ATRX: variants seen among roughly 807,000 people sequenced by gnomAD.
The protein encoded by ATRX is chromatin remodeler ATRX.
ATRX carries 12 observed loss-of-function variants against 172.6 expected under a neutral mutation model. That is an observed-to-expected ratio of 0.07 (90% CI 0.04 to 0.11). The LOEUF (loss-of-function observed/expected upper bound fraction) is 0.11, where lower values mean the gene tolerates loss of function less well. ATRX is among the 10% of genes least tolerant of loss of function. ATRX has a pLI of 1.00. For missense variants in ATRX, 1,368 were observed against 1,767.4 expected, an observed-to-expected ratio of 0.77 and a Z score of 4.05; for synonymous variants, 674 against 594.7, an observed-to-expected ratio of 1.13 and a Z score of -1.94.
intron 30 of ATRX, among the ~76,000 whole-genome samples, chrX:77,546,649 G>A (rs534583160): frequency 9.0e-6 from 1 of 111,387 alleles, no homozygotes; most frequent in South Asian, 3.8e-4. Context: ...ATGCCACCAA[G>A]CCTGGCTAAT....
At chrX:77,538,230 AACACACACACACAC>A (rs34675782) in intron 30 of ATRX, among the ~76,000 whole-genome samples, 5 of 95,992 alleles carry the variant, frequency 5.2e-5, no homozygotes, top group Admixed American at 2.3e-4. Context: ...TACACACACA[AACACACACACACAC>A]ACACACACAC....
At chrX:77,707,472 C>T (rs1272665401) in intron 2 of ATRX, among the ~76,000 whole-genome samples, 1 of 112,414 alleles carries the variant, frequency 8.9e-6, no homozygotes, top group African/African-American at 3.2e-5. Flanking sequence ...GGGCTGGGCA[C>T]GGTGGCTCAC....
rs45451600 is a variant in ATRX at position 77,687,791 on chromosome X, G to C, written c.594+1027C>G. ...ATGTCTGAATCTATCAAAAATTCAT[G>C]CAAGAAAAGATCTAGAGCTAGAATT... On this transcript the variant is annotated intron_variant, in intron 7 of 34. Transcript: ENST00000373344. 4.5e-5 allele frequency among the ~76,000 whole-genome samples: 5 copies of C among 112,227 alleles called. No individual in the cohort carries two copies. In the East Asian group the frequency reaches 1.4e-3, roughly 31 times the overall value.
At chrX:77,532,570 TAGG>T (rs2063614012) in intron 30 of ATRX, among the ~76,000 whole-genome samples, 2 of 111,749 alleles carry the variant, frequency 1.8e-5, no homozygotes, top group Admixed American at 9.5e-5. Context: ...TAAGTGGTGC[TAGG>T]AGAACAGGCA....
In ATRX at chrX:77,608,474, A is replaced by G. The variant is rs782075080; in HGVS notation, c.5567-7910T>C. 2.2e-4 allele frequency among the ~76,000 whole-genome samples: 25 copies of G among 111,486 alleles called. No individual in the cohort carries two copies. The Middle Eastern group carries it at 0.023, about 103-fold the overall frequency. ...CGCATACTCTACACAGGTGCCATGA[A>G]CATGCACTGGGGAAAGGATAGTCTC... On this transcript the variant is annotated intron_variant, in intron 22 of 34. Coordinates refer to ENST00000373344, the MANE Select transcript of ATRX (RefSeq NM_000489.6).
At chrX:77,768,009 A>C (rs781807511) in intron 1 of ATRX, among the ~76,000 whole-genome samples, 1 of 111,959 alleles carries the variant, frequency 8.9e-6, no homozygotes, top group Non-Finnish European at 1.9e-5. Flanking sequence ...AAAGGAAAAC[A>C]CTGAGGCTCA....
intron 1 of ATRX, among the ~76,000 whole-genome samples, chrX:77,747,848 C>G (rs2148868622): frequency 8.9e-6 from 1 of 111,792 alleles, no homozygotes; most frequent in Non-Finnish European, 1.9e-5. Context: ...TTTCCAACAC[C>G]TGCTAACCTC....
intron 7 of ATRX, among the ~76,000 whole-genome samples, chrX:77,687,943 T>C (rs901676600): frequency 9.0e-6 from 1 of 111,569 alleles, no homozygotes; most frequent in Non-Finnish European, 1.9e-5. Flanking sequence ...TATAGGTAGG[T>C]AGGTAGTTAC....
chrX:77,653,004 T>TAAAAAAAAA (rs554448289), intron 14 of ATRX, among the ~76,000 whole-genome samples: 2 of 68,993 alleles, frequency 2.9e-5, no homozygotes, highest in African/African-American at 1.1e-4. Context: ...TGTTTCTTGT[T>TAAAAAAAAA]AAAAAAAAAA....
chrX:77,708,040 C>T (rs782397813), intron 2 of ATRX, among the ~76,000 whole-genome samples: 11 of 111,874 alleles, frequency 9.8e-5, no homozygotes, highest in Non-Finnish European at 2.1e-4. Flanking sequence ...AACAATTTAA[C>T]ATAGTTACCA....
intron 30 of ATRX, among the ~76,000 whole-genome samples, chrX:77,544,169 G>C (rs1395990151): frequency 2.7e-5 from 3 of 111,267 alleles, no homozygotes; most frequent in African/African-American, 9.8e-5. Context: ...AATAGATGAG[G>C]CAAATGTGGC....
chrX:77,679,819 T>G (rs1183526131), intron 9 of ATRX, among the ~76,000 whole-genome samples: 2 of 111,857 alleles, frequency 1.8e-5, no homozygotes, highest in East Asian at 5.5e-4. Flanking sequence ...TTTAATGGAT[T>G]TTAACTAATT....
chrX:77,517,063 A>G, intron 34 of ATRX, among the ~76,000 whole-genome samples: 1 of 110,574 alleles, frequency 9.0e-6, no homozygotes, highest in African/African-American at 3.3e-5. Flanking sequence ...ACAAAAACCT[A>G]TGGGATACAG....
In ATRX at chrX:77,748,981, T is replaced by C. The variant is rs187334314; in HGVS notation, c.21-31738A>G. Among the ~76,000 whole-genome samples the C allele has an allele frequency of 2.7e-5, 3 of 111,544 alleles. No homozygotes were observed. In the East Asian group the frequency reaches 8.4e-4, roughly 31 times the overall value. On this transcript the variant is annotated intron_variant, in intron 1 of 34. Coordinates refer to ENST00000373344, the MANE Select transcript of ATRX (RefSeq NM_000489.6). ...TAAAAAACTTTTATTTGTATATATT[T>C]AGGGGGTACAAGTGCAGATTTCGTA...
chrX:77,551,645 G>A lies in ATRX; in HGVS notation c.6699+5806C>T, dbSNP rs533032126. The stretch of plus-strand genomic sequence containing the variant: ...GATCTAATTAAACTAAAGAGCCTCC[G>A]CACAGCAAAAGAAACTACCATCAGA... On this transcript the variant is annotated intron_variant, in intron 30 of 34. Coordinates refer to ENST00000373344, the MANE Select transcript of ATRX (RefSeq NM_000489.6). Among the ~76,000 whole-genome samples the A allele has an allele frequency of 1.3e-3, 143 of 111,899 alleles. No homozygotes were observed. In the Middle Eastern group the frequency reaches 0.014, roughly 11 times the overall value.
chrX:77,753,302 T>A (rs1220529983), intron 1 of ATRX, among the ~76,000 whole-genome samples: 1 of 111,629 alleles, frequency 9.0e-6, no homozygotes, highest in Non-Finnish European at 1.9e-5. Flanking sequence ...TTCTGTGGGA[T>A]CAGTGGTGAT....
intron 1 of ATRX, among the ~76,000 whole-genome samples, chrX:77,760,288 A>G (rs953419760): frequency 3.3e-4 from 36 of 108,686 alleles, no homozygotes; most frequent in African/African-American, 1.1e-3. Flanking sequence ...TTGCAAAATA[A>G]TATGTACTGT....
chrX:77,510,938 T>C lies in ATRX; in HGVS notation c.7201-2309A>G, dbSNP rs1468585791. Among the ~76,000 whole-genome samples the C allele has an allele frequency of 2.7e-5, 3 of 112,501 alleles. No individual in the cohort carries two copies. The Admixed American group carries it at 2.8e-4, about 10-fold the overall frequency. Reference sequence around the variant, plus strand: ...TGATGAATGTGGAGCCTTAGAGCCTTGAGCAAACAAAGGCGGAGGCCAGTA... The same window carrying C: ...TGATGAATGTGGAGCCTTAGAGCCTCGAGCAAACAAAGGCGGAGGCCAGTA... On this transcript the variant is annotated intron_variant, in intron 34 of 34. Coordinates refer to ENST00000373344, the MANE Select transcript of ATRX (RefSeq NM_000489.6).
intron 1 of ATRX, among the ~76,000 whole-genome samples, chrX:77,742,520 G>A (rs1557182752): frequency 8.9e-6 from 1 of 112,046 alleles, no homozygotes; most frequent in Non-Finnish European, 1.9e-5. Context: ...ATCAGGAAAA[G>A]ATGGATGACT....
Sources: gnomAD v4.1 joint callset for allele counts (sites outside exome capture counted in the v4.1 genomes callset) on GRCh38, gnomAD v4.1.1 for gene constraint, MANE v1.5 for transcripts, NCBI Gene and HGNC (gene_info 2026-07-23, HGNC 2026-07-21) for gene names.